Variants in TACC2 observed in about 807,000 individuals in gnomAD.
TACC2 encodes the protein transforming acidic coiled-coil-containing protein 2.
TACC2 carries 137 observed loss-of-function variants against 227.3 expected under a neutral mutation model. That is an observed-to-expected ratio of 0.60 (90% CI 0.52 to 0.69). The LOEUF is 0.69. Among genes scored for constraint, TACC2 ranks in the 30% least tolerant of loss-of-function variants. TACC2 has a pLI of 0.00. For synonymous variants in TACC2, 1,523 were observed against 1,487.5 expected (o/e 1.02, Z -0.55); for missense variants, 3,470 against 3,694.4 (o/e 0.94, Z 1.57).
In TACC2 at chr10:122,249,607, C is replaced by A. The variant is rs373294737; in HGVS notation, c.8724C>A (p.Ala2908=). 6 of 1,614,024 alleles carry A rather than the reference C, an allele frequency of 3.7e-6. No homozygotes were observed. The highest frequency in any genetic ancestry group is 1.3e-5 in the African/African-American group (1 of 74,944). Reference sequence around the variant, plus strand: ...AGCAGGAGCAAGCCGCCCACCAGGCCAGCCTGCGGAAGGAGCAGCTGCGAG... The same window carrying A: ...AGCAGGAGCAAGCCGCCCACCAGGCAAGCCTGCGGAAGGAGCAGCTGCGAG... ...KAQQEQAAHQ[A]SLRKEQLRVD... The change falls in exon 22 of 23, where the codon GCC becomes GCA. Residue 2908 remains alanine, a synonymous_variant. Transcript: ENST00000369005.
chr10:122,080,307 A>G (rs1220048764), intron 3 of TACC2, among the ~76,000 whole-genome samples: 1 of 147,396 alleles, frequency 6.8e-6, no homozygotes, highest in Non-Finnish European at 1.5e-5. Flanking sequence ...TTCTCAGCTC[A>G]CTGCAGCCTC....
chr10:122,054,569 A>T (rs1208740970), intron 3 of TACC2, among the ~76,000 whole-genome samples: 1 of 152,234 alleles, frequency 6.6e-6, no homozygotes, highest in East Asian at 1.9e-4. Context: ...ATTAGGTTGT[A>T]CCAGAGGAAA....
At chr10:122,081,597 G>A (rs2079514549) in intron 3 of TACC2, among the ~76,000 whole-genome samples, 1 of 151,118 alleles carries the variant, frequency 6.6e-6, no homozygotes, top group Non-Finnish European at 1.5e-5. Context: ...AATACATCAT[G>A]TAATAAGCCA....
rs757637932 is a variant in TACC2, at chr10:122,210,352, T to C, written c.5972-45T>C. 2 of 1,486,790 alleles carry C rather than the reference T, an allele frequency of 1.3e-6. No individual in the cohort carries two copies. Among genetic ancestry groups the C allele is most frequent in the South Asian group, 1.1e-5 (1 of 88,182 alleles). 92.1% of individuals were successfully genotyped at this position (1,486,790 alleles called of 1,614,324 possible). On this transcript the variant is annotated intron_variant, in intron 8 of 22. Transcript: ENST00000369005. This position sits in a 1 kb window ranked among gnomAD's most constrained non-coding sequence, Gnocchi z 4.6. ...TGGTACAAGAGGAGAGGTGCCCCAATGCGTCCTGTGTCTGTAATTGATGGC... is the reference window on the plus strand; with the variant it reads ...TGGTACAAGAGGAGAGGTGCCCCAACGCGTCCTGTGTCTGTAATTGATGGC...
At chr10:122,054,033 A>G (rs1326620663) in intron 3 of TACC2, among the ~76,000 whole-genome samples, 1 of 152,210 alleles carries the variant, frequency 6.6e-6, no homozygotes, top group African/African-American at 2.4e-5. Context: ...CACTCTACAG[A>G]TGAGGAAACT....
Position 122,152,710 on chromosome 10 carries a change from C to A in TACC2, c.5834+9004C>A, listed in dbSNP as rs551266406. The stretch of plus-strand genomic sequence containing the variant: ...AGCCTGAGACATCTGTCCAGACTGA[C>A]GTAGTTGGGGAAATGGGCCGAGCCA... On this transcript the variant is annotated intron_variant, in intron 7 of 22. Transcript: ENST00000369005. Among the ~76,000 whole-genome samples the A allele has an allele frequency of 2.6e-5, 4 of 152,132 alleles. No individual in the cohort carries two copies. The South Asian group carries it at 8.3e-4, about 32-fold the overall frequency.
intron 3 of TACC2, among the ~76,000 whole-genome samples, chr10:122,079,341 A>G (rs1314685158): frequency 4.6e-5 from 7 of 152,206 alleles, no homozygotes; most frequent in African/African-American, 1.7e-4. Context: ...TCCAGATGTC[A>G]GCCCACTCGG....
At chr10:122,253,926 C>T in intron 22 of TACC2, 65 bp from the exon 23 acceptor site, 1 of 1,417,376 alleles carries the variant, frequency 7.1e-7, no homozygotes, top group Non-Finnish European at 1.0e-6. Flanking sequence ...CCCAAAAAGC[C>T]CCATGAGCAT....
chr10:122,155,743 T>C (rs941455954), intron 7 of TACC2, among the ~76,000 whole-genome samples: 5 of 152,208 alleles, frequency 3.3e-5, no homozygotes, highest in African/African-American at 1.2e-4. Flanking sequence ...GAAGGACATC[T>C]GGGTTATCCG....
At chr10:122,184,656 A>G (rs541733677) in intron 7 of TACC2, among the ~76,000 whole-genome samples, 2 of 152,236 alleles carry the variant, frequency 1.3e-5, no homozygotes, top group South Asian at 4.1e-4. Context: ...CATAAACAGC[A>G]CCTATGTGTT....
intron 9 of TACC2, among the ~76,000 whole-genome samples, chr10:122,212,322 A>G (rs2095311742): frequency 6.6e-6 from 1 of 152,220 alleles, no homozygotes; most frequent in African/African-American, 2.4e-5. Context: ...AGTTCTGAAG[A>G]GATAAATGGA....
At chr10:122,000,166 C>T (rs530524754) in intron 1 of TACC2, among the ~76,000 whole-genome samples, 38 of 152,168 alleles carry the variant, frequency 2.5e-4, no homozygotes, top group African/African-American at 6.3e-4. Flanking sequence ...CCGAGGTTGG[C>T]GGATCACGAG....
chr10:122,198,289 C>T (rs989775338), intron 8 of TACC2, among the ~76,000 whole-genome samples: 1 of 151,996 alleles, frequency 6.6e-6, no homozygotes, highest in African/African-American at 2.4e-5. Flanking sequence ...CCAGCTGGGG[C>T]GGGCCAGGAC....
intron 19 of TACC2, 146 bp downstream of exon 19, chr10:122,242,147 C>T (rs2096010238): frequency 1.3e-6 from 1 of 775,526 alleles, no homozygotes; most frequent in Non-Finnish European, 2.2e-6. Context: ...GAAAATATGG[C>T]TTTGCCCCAG....
chr10:122,002,560 C>T (rs549511061), intron 1 of TACC2, among the ~76,000 whole-genome samples: 1 of 152,250 alleles, frequency 6.6e-6, no homozygotes, highest in Non-Finnish European at 1.5e-5. Context: ...CTGGGACTAT[C>T]TGACCTTTAA....
Position 122,227,984 on chromosome 10 carries a change from C to A in TACC2, c.7872C>A (p.Gly2624=). ...AGGAGCTGGAGGCCATGGGCTTGGG[C>A]ACCCCTTCAGAAGCGATTGAAATTG... ...SQKELEAMGL[G]TPSEAIEITA... The change falls in exon 14 of 23, where the codon GGC becomes GGA. Residue 2624 remains glycine, a synonymous_variant. Coordinates refer to ENST00000369005, the MANE Select transcript of TACC2 (RefSeq NM_206862.4). The A allele has an allele frequency of 6.2e-7, 1 of 1,613,772 alleles. No individual in the cohort carries two copies. The highest frequency in any genetic ancestry group is 1.1e-5 in the South Asian group (1 of 91,056).
At chr10:122,201,777 C>T (rs2094863847) in intron 8 of TACC2, among the ~76,000 whole-genome samples, 1 of 152,148 alleles carries the variant, frequency 6.6e-6, no homozygotes, top group South Asian at 2.1e-4. Flanking sequence ...AGGTGTTGTC[C>T]TGTTACAGAT....
In TACC2 at chr10:122,087,192, A is replaced by T; in HGVS notation, c.4692A>T (p.Ala1564=). 1 of 1,612,084 alleles carries T rather than the reference A, an allele frequency of 6.2e-7. No homozygotes were observed. Among genetic ancestry groups the T allele is most frequent in the Non-Finnish European group, 8.5e-7 (1 of 1,179,340 alleles). ...TAGCTTCAGGTCTTCCTTCACCAGC[A>T]GCTACTCAGGAGCTCCCTGTGGAGA... ...QELASGLPSP[A]ATQELPVERA... Residue 1564 remains alanine (A), a synonymous_variant, in exon 4 of 23, where the codon GCA becomes GCT. Transcript: ENST00000369005.
intron 3 of TACC2, among the ~76,000 whole-genome samples, chr10:122,078,790 A>G (rs1040958613): frequency 1.5e-4 from 23 of 152,242 alleles, no homozygotes; most frequent in African/African-American, 5.5e-4. Context: ...TTTAAAAATT[A>G]CTTCTGATGG....
Sources: gnomAD v4.1 joint callset for allele counts (sites outside exome capture counted in the v4.1 genomes callset) on GRCh38, gnomAD v4.1.1 for gene constraint, Gnocchi (gnomAD v3.1) non-coding constraint, MANE v1.5 for transcripts, NCBI Gene and HGNC (gene_info 2026-07-23, HGNC 2026-07-21) for gene names.